The following RUFY3 variants were observed in gnomAD, a reference collection of about 807,000 sequenced individuals.
RUFY3 encodes RUN and FYVE domain containing 3.
RUFY3 carries 34 observed loss-of-function variants against 84.0 expected under a neutral mutation model. The observed-to-expected ratio is 0.40, with a 90% CI of 0.31 to 0.54. The LOEUF (loss-of-function observed/expected upper bound fraction) is 0.54, where lower values mean the gene tolerates loss of function less well. Ranked by LOEUF, RUFY3 falls within the 20% of genes least tolerant of loss-of-function variation. The pLI is 0.39. For synonymous variants in RUFY3, 242 were observed against 252.9 expected (o/e 0.96, Z 0.41); for missense variants, 507 against 736.8 (o/e 0.69, Z 3.61).
chr4:70,792,108 T>C, intron 12 of RUFY3: 1 of 985,684 alleles, frequency 1.0e-6, no homozygotes, highest in Non-Finnish European at 1.2e-6. Flanking sequence ...ACAATTCTAA[T>C]AAAAACACTC....
At chr4:70,704,603 A>C, upstream of RUFY3, 1 of 194,020 alleles carries the variant, frequency 5.2e-6, no homozygotes, top group Non-Finnish European at 1.0e-5. Flanking sequence ...AGCCGGAGGG[A>C]AGCGGAAGGT....
In RUFY3 at chr4:70,792,157, C is replaced by A; in HGVS notation, c.1338-1628C>A. ...AAAAAATGATGCAGTACCCATTTTT[C>A]GTATCCTGCTTTTCTTATATTGGAG... On this transcript the variant is annotated intron_variant, in intron 12 of 17. Coordinates refer to ENST00000381006, the MANE Select transcript of RUFY3 (RefSeq NM_001037442.4). The A allele has an allele frequency of 3.0e-6, 3 of 984,366 alleles. No individual in the cohort carries two copies. The South Asian group carries it at 1.4e-4, about 46-fold the overall frequency. 61.0% of individuals were successfully genotyped at this position (984,366 alleles called of 1,614,324 possible).
chr4:70,762,762 C>G, intron 2 of RUFY3, 70 bp downstream of exon 2: 2 of 1,321,184 alleles, frequency 1.5e-6, no homozygotes, highest in South Asian at 2.8e-5. Flanking sequence ...TAGAAGAAAG[C>G]ATTCTTTGTG....
intron 1 of RUFY3, chr4:70,741,593 T>C: frequency 2.0e-6 from 3 of 1,508,922 alleles, no homozygotes; most frequent in Non-Finnish European, 2.6e-6. Context: ...TGACATTTTA[T>C]CTTTCTTTTC....
In RUFY3 at chr4:70,721,993, C is replaced by A. The variant is rs1742354895; in HGVS notation, c.-581C>A. The A allele has an allele frequency of 8.1e-7, 1 of 1,232,058 alleles. No individual in the cohort carries two copies. The highest frequency in any genetic ancestry group is 1.0e-6 in the Non-Finnish European group (1 of 987,996). The allele number at this position is 1,232,058 out of a possible 1,614,324, so 76.3% of individuals were successfully genotyped here. A position where few individuals can be genotyped will look rare whatever the true frequency, so the allele number is the denominator to read the frequency against. On this transcript the variant is annotated 5_prime_UTR_variant, in exon 1 of 18. Coordinates refer to ENST00000381006, the MANE Select transcript of RUFY3 (RefSeq NM_001037442.4). The stretch of plus-strand genomic sequence containing the variant: ...CATTAGTCAGCCATTTTGGTCAACA[C>A]CCTGCTTACTGCGCACGGCCAATCC...
intron 1 of RUFY3, among the ~76,000 whole-genome samples, chr4:70,761,210 T>G (rs1016640233): frequency 9.2e-5 from 14 of 152,320 alleles, no homozygotes; most frequent in African/African-American, 3.4e-4. Flanking sequence ...AAGAGAGCAT[T>G]AGCTTTCACG....
intron 1 of RUFY3, among the ~76,000 whole-genome samples, chr4:70,737,716 A>C (rs977803360): frequency 6.8e-6 from 1 of 146,140 alleles, no homozygotes; most frequent in African/African-American, 2.6e-5. Context: ...TTGCTCTGTC[A>C]ACCAGGCTGG....
At chr4:70,709,075 T>C (rs1560431302) in intron 1 of RUFY3, among the ~76,000 whole-genome samples, 1 of 152,110 alleles carries the variant, frequency 6.6e-6, no homozygotes, top group African/African-American at 2.4e-5. Context: ...AGTTTGTAAA[T>C]AGAAGGTAGC....
chr4:70,711,110 G>A (rs1223787378), intron 1 of RUFY3, among the ~76,000 whole-genome samples: 5 of 141,202 alleles, frequency 3.5e-5, no homozygotes, highest in African/African-American at 1.3e-4. Context: ...TCAAAGAAGA[G>A]CCAAAGTGAA....
chr4:70,722,837 G>T, intron 1 of RUFY3, 86 bp downstream of exon 1: 2 of 1,303,106 alleles, frequency 1.5e-6, no homozygotes, highest in Non-Finnish European at 1.1e-6. Context: ...GAGGTAGAAA[G>T]AACCTACACT....
chr4:70,761,550 A>G (rs1725041953), intron 1 of RUFY3, among the ~76,000 whole-genome samples: 1 of 152,174 alleles, frequency 6.6e-6, no homozygotes, highest in Non-Finnish European at 1.5e-5. Flanking sequence ...AAATTGTTGT[A>G]TTGGTGACTG....
Position 70,808,112 on chromosome 4 carries a change from C to CAT in RUFY3, c.*1454_*1455dup, listed in dbSNP as rs1426723891. ...ACTTATACCTAATAAAATACCTACA[C>CAT]ATCACTTCATTTGCATGGATTCAAC... On this transcript the variant is annotated 3_prime_UTR_variant, in exon 18 of 18. Coordinates refer to ENST00000381006, the MANE Select transcript of RUFY3 (RefSeq NM_001037442.4). Among the ~76,000 whole-genome samples, 1 of 152,180 alleles carries CAT rather than the reference C, an allele frequency of 6.6e-6. No homozygotes were observed. Among genetic ancestry groups the CAT allele is most frequent in the African/African-American group, 2.4e-5 (1 of 41,450 alleles).
intron 14 of RUFY3, among the ~76,000 whole-genome samples, chr4:70,798,449 A>G (rs573232971): frequency 6.6e-6 from 1 of 152,282 alleles, no homozygotes; most frequent in South Asian, 2.1e-4. Context: ...GTCGAAGGCA[A>G]GCAGCAGTGG....
rs569397559 is a variant in RUFY3, at chr4:70,768,159, T to C, written c.573-379T>C. On this transcript the variant is annotated intron_variant, in intron 4 of 17. Coordinates refer to ENST00000381006, the MANE Select transcript of RUFY3 (RefSeq NM_001037442.4). ...TACCAAACAAATGTTTTAAGATGCA[T>C]AAAAGATTGCAAAATTATCTGATGG... Among the ~76,000 whole-genome samples the C allele has an allele frequency of 3.3e-5, 5 of 152,292 alleles. No individual in the cohort carries two copies. The East Asian group carries it at 9.6e-4, about 29-fold the overall frequency.
At chr4:70,765,205 A>C (rs1560515721) in intron 4 of RUFY3, among the ~76,000 whole-genome samples, 1 of 130,916 alleles carries the variant, frequency 7.6e-6, no homozygotes, top group East Asian at 2.3e-4. Context: ...AAAAAAAAAA[A>C]TGTGTATATA....
At chr4:70,768,205 G>T (rs573419187) in intron 4 of RUFY3, among the ~76,000 whole-genome samples, 1 of 152,302 alleles carries the variant, frequency 6.6e-6, no homozygotes, top group African/African-American at 2.4e-5. Flanking sequence ...GTACAAATAT[G>T]TCAGAAAAGT....
At chr4:70,758,876 A>G (rs1306979430) in intron 1 of RUFY3, among the ~76,000 whole-genome samples, 1 of 152,002 alleles carries the variant, frequency 6.6e-6, no homozygotes, top group Non-Finnish European at 1.5e-5. Flanking sequence ...CATCTCTACT[A>G]AAAATACAAA....
rs1341638094 is a variant in RUFY3 at position 70,798,674 on chromosome 4, C to A, written c.1558-1467C>A. Among the ~76,000 whole-genome samples, 6 of 152,100 alleles carry A rather than the reference C, an allele frequency of 3.9e-5. No individual in the cohort carries two copies. The East Asian group carries it at 1.2e-3, about 29-fold the overall frequency. ...GCGTGCACCTATAATCCCAGCTACTCCTGATGCTGAGGCCAGAGAATCGCT... is the reference window on the plus strand; with the variant it reads ...GCGTGCACCTATAATCCCAGCTACTACTGATGCTGAGGCCAGAGAATCGCT... On this transcript the variant is annotated intron_variant, in intron 14 of 17. Transcript: ENST00000381006.
intron 5 of RUFY3, among the ~76,000 whole-genome samples, chr4:70,769,650 C>CCA (rs1006815521): frequency 1.2e-4 from 18 of 152,298 alleles, no homozygotes; most frequent in African/African-American, 4.3e-4. Context: ...CTGTAGCATA[C>CCA]CACGCTGTTT....
Sources: gnomAD v4.1 joint callset for allele counts (sites outside exome capture counted in the v4.1 genomes callset) on GRCh38, gnomAD v4.1.1 for gene constraint, MANE v1.5 for transcripts, NCBI Gene and HGNC (gene_info 2026-07-23, HGNC 2026-07-21) for gene names.